GPC5: variants seen among roughly 807,000 people sequenced by gnomAD.
GPC5 encodes the protein glypican 5, also known as glypican-5.
Under a neutral mutation model 53.9 loss-of-function variants are expected in GPC5, and 47 were observed. The observed-to-expected ratio is 0.87, with a 90% CI of 0.69 to 1.11. GPC5 has a LOEUF of 1.11. Among genes scored for constraint, GPC5 ranks in the 50% most tolerant of loss-of-function variants. GPC5 has a pLI of 0.00. For missense variants in GPC5, 748 were observed against 713.1 expected, an observed-to-expected ratio of 1.05 and a Z score of -0.56; for synonymous variants, 286 against 263.3, an observed-to-expected ratio of 1.09 and a Z score of -0.84.
chr13:92,003,721 G>T (rs1566388663), intron 6 of GPC5, among the ~76,000 whole-genome samples: 1 of 151,780 alleles, frequency 6.6e-6, no homozygotes, highest in Admixed American at 6.6e-5. Context: ...TTCTTTTCTT[G>T]GTAATTAAAC....
At chr13:92,093,484 T>G (rs2041397286) in intron 6 of GPC5, among the ~76,000 whole-genome samples, 2 of 152,220 alleles carry the variant, frequency 1.3e-5, no homozygotes, top group Admixed American at 1.3e-4. Context: ...GAATTATTTA[T>G]GCAAATGTGT....
At chr13:92,103,122 A>G (rs1422487495) in intron 6 of GPC5, among the ~76,000 whole-genome samples, 1 of 151,690 alleles carries the variant, frequency 6.6e-6, no homozygotes, top group Non-Finnish European at 1.5e-5. Context: ...TCAGCCTCCC[A>G]AAGTTCTGGA....
At chr13:92,347,079 A>C (rs1047336885) in intron 7 of GPC5, among the ~76,000 whole-genome samples, 8 of 152,154 alleles carry the variant, frequency 5.3e-5, no homozygotes, top group African/African-American at 1.9e-4. Flanking sequence ...TACACAATAG[A>C]AGTTGCAGAA....
intron 3 of GPC5, among the ~76,000 whole-genome samples, chr13:91,702,894 T>C (rs1199128030): frequency 1.3e-5 from 2 of 152,214 alleles, no homozygotes; most frequent in Non-Finnish European, 2.9e-5. Flanking sequence ...GTAGTGGTTG[T>C]GAATGGGATT....
intron 7 of GPC5, among the ~76,000 whole-genome samples, chr13:92,837,587 CTG>C (rs1878261285): frequency 1.3e-5 from 2 of 152,226 alleles, no homozygotes; most frequent in South Asian, 4.2e-4. Context: ...CTCGAGATAT[CTG>C]TTGAATTCTG....
intron 6 of GPC5, among the ~76,000 whole-genome samples, chr13:92,022,973 C>T (rs566389889): frequency 6.6e-6 from 1 of 151,936 alleles, no homozygotes; most frequent in Non-Finnish European, 1.5e-5. Context: ...ACTATATTTT[C>T]CTAAGATACT....
intron 2 of GPC5, among the ~76,000 whole-genome samples, chr13:91,571,855 A>ACACATACGTGTGTGTGTG (rs1221102668): frequency 7.5e-6 from 1 of 132,732 alleles, no homozygotes; most frequent in South Asian, 2.6e-4. Flanking sequence ...GTATATACAC[A>ACACATACGTGTGTGTGTG]TATACGTGTG....
At chr13:92,000,158 G>T (rs1038777220) in intron 6 of GPC5, among the ~76,000 whole-genome samples, 1 of 152,060 alleles carries the variant, frequency 6.6e-6, no homozygotes, top group Admixed American at 6.6e-5. Context: ...CCCTTCTCCT[G>T]GGTAGCCATT....
intron 7 of GPC5, among the ~76,000 whole-genome samples, chr13:92,635,321 T>C (rs1210125146): frequency 2.0e-5 from 3 of 152,156 alleles, no homozygotes; most frequent in Non-Finnish European, 4.4e-5. Context: ...TACCACAGAC[T>C]GGGTAATTTA....
intron 2 of GPC5, among the ~76,000 whole-genome samples, chr13:91,582,662 G>A (rs562856099): frequency 1.3e-5 from 2 of 152,236 alleles, no homozygotes; most frequent in African/African-American, 2.4e-5. Context: ...AAAGATCAAA[G>A]GAGGGCAATT....
At chr13:92,619,857 C>T (rs1002537860) in intron 7 of GPC5, among the ~76,000 whole-genome samples, 4 of 151,934 alleles carry the variant, frequency 2.6e-5, no homozygotes, top group African/African-American at 9.7e-5. Context: ...CTGAAACAAA[C>T]AATATTTGCT....
intron 6 of GPC5, among the ~76,000 whole-genome samples, chr13:92,064,756 C>CAAAAAAAAAAAAAAAAAACAA (rs1175120330): frequency 1.5e-4 from 5 of 33,640 alleles, no homozygotes. Context: ...GACTCCGTCT[C>CAAAAAAAAAAAAAAAAAACAA]AAAAAAAAAA....
At chr13:91,826,283 GA>G (rs2038575491) in intron 5 of GPC5, among the ~76,000 whole-genome samples, 1 of 151,970 alleles carries the variant, frequency 6.6e-6, no homozygotes, top group Non-Finnish European at 1.5e-5. Flanking sequence ...GTTTTCATTG[GA>G]AGAACAGATG....
chr13:92,584,935 T>G (rs1293544393), intron 7 of GPC5, among the ~76,000 whole-genome samples: 1 of 152,096 alleles, frequency 6.6e-6, no homozygotes, highest in African/African-American at 2.4e-5. Context: ...AAGTCAAGAA[T>G]TGAGGTTTGG....
chr13:92,484,203 C>T (rs1327269498), intron 7 of GPC5, among the ~76,000 whole-genome samples: 2 of 151,972 alleles, frequency 1.3e-5, no homozygotes, highest in African/African-American at 2.4e-5. Flanking sequence ...CTGTCTTCCA[C>T]CTCCACATCT....
At chr13:92,775,265 C>T (rs1408521354) in intron 7 of GPC5, among the ~76,000 whole-genome samples, 1 of 152,034 alleles carries the variant, frequency 6.6e-6, no homozygotes, top group African/African-American at 2.4e-5. Flanking sequence ...ATGAAAAACA[C>T]GAAGTGTAAT....
chr13:92,267,839 C>A (rs925631097), intron 7 of GPC5, among the ~76,000 whole-genome samples: 4 of 151,782 alleles, frequency 2.6e-5, no homozygotes, highest in Non-Finnish European at 5.9e-5. Context: ...ACTATCTGAC[C>A]CTATAAGAAG....
At chr13:92,300,750 CT>C (rs2043070099) in intron 7 of GPC5, among the ~76,000 whole-genome samples, 1 of 152,150 alleles carries the variant, frequency 6.6e-6, no homozygotes, top group Admixed American at 6.5e-5. Context: ...ATTGTGTAAG[CT>C]TTTCTTCTAT....
intron 7 of GPC5, among the ~76,000 whole-genome samples, chr13:92,523,250 AC>A (rs1183682987): frequency 6.6e-6 from 1 of 152,072 alleles, no homozygotes; most frequent in African/African-American, 2.4e-5. Context: ...GATAAGTAAC[AC>A]CTTTTTTAAA....
Sources: gnomAD v4.1 joint callset for allele counts (sites outside exome capture counted in the v4.1 genomes callset) on GRCh38, gnomAD v4.1.1 for gene constraint, MANE v1.5 for transcripts, NCBI Gene and HGNC (gene_info 2026-07-23, HGNC 2026-07-21) for gene names.